The following PHF3 variants were observed in gnomAD, a reference collection of about 807,000 sequenced individuals.
PHF3 encodes PHD finger protein 3.
Under a neutral mutation model 178.4 loss-of-function variants are expected in PHF3, and 41 were observed. The ratio of observed to expected loss-of-function variants is 0.23; its 90% CI spans 0.18 to 0.30. The LOEUF (loss-of-function observed/expected upper bound fraction) is 0.30. Among genes scored for constraint, PHF3 ranks in the 10% least tolerant of loss-of-function variants. The pLI, the probability that PHF3 is intolerant of heterozygous loss-of-function variation, is 1.00. For missense variants in PHF3, 2,346 were observed against 2,398.1 expected (o/e 0.98, Z 0.45); for synonymous variants, 842 against 800.5 (o/e 1.05, Z -0.88).
At chr6:63,690,867 A>G (rs1161761050) in intron 4 of PHF3, among the ~76,000 whole-genome samples, 1 of 152,124 alleles carries the variant, frequency 6.6e-6, no homozygotes, top group African/African-American at 2.4e-5. Context: ...TTAAACTGGA[A>G]AGATAGAAGC....
chr6:63,715,759 A>T lies in PHF3; in HGVS notation c.*2051A>T, dbSNP rs1001457519. Among the ~76,000 whole-genome samples the T allele has an allele frequency of 5.9e-5, 9 of 152,052 alleles. No homozygotes were observed. Among genetic ancestry groups the T allele is most frequent in the African/African-American group, 2.2e-4 (9 of 41,404 alleles). The stretch of plus-strand genomic sequence containing the variant: ...GCTGATTGACTGAAACATTTTATGG[A>T]GAATAGGGAAGGTATGGTCATATTA... On this transcript the variant is annotated 3_prime_UTR_variant, in exon 16 of 16. Coordinates refer to ENST00000262043, the MANE Select transcript of PHF3 (RefSeq NM_001370348.2).
chr6:63,678,102 A>G (rs867340095), intron 2 of PHF3, among the ~76,000 whole-genome samples: 95 of 152,176 alleles, frequency 6.2e-4, no homozygotes, highest in African/African-American at 2.3e-3. Context: ...ACACACCTGT[A>G]TTCCCAGCTA....
At chr6:63,638,689 T>G (rs775985346) in intron 1 of PHF3, among the ~76,000 whole-genome samples, 2 of 152,130 alleles carry the variant, frequency 1.3e-5, no homozygotes, top group Non-Finnish European at 2.9e-5. Context: ...GCTGCTGGAT[T>G]TTTTTCTTTT....
intron 1 of PHF3, among the ~76,000 whole-genome samples, chr6:63,646,077 A>G (rs1764771396): frequency 6.6e-6 from 1 of 152,168 alleles, no homozygotes; most frequent in Non-Finnish European, 1.5e-5. Context: ...TGGTTTTAAT[A>G]GGTATGGGAT....
At chr6:63,698,116 A>T in intron 6 of PHF3, 107 bp from the exon 7 acceptor site, 1 of 868,766 alleles carries the variant, frequency 1.2e-6, no homozygotes, top group East Asian at 2.7e-5. Context: ...TTCTGATCTT[A>T]TTTCTAAATA....
At position 63,706,052 on chromosome 6, in the gene PHF3, G is replaced by C. The variant is rs755107684; in HGVS notation, c.3391G>C (p.Asp1131His). 1 of 1,613,088 alleles carries C rather than the reference G, an allele frequency of 6.2e-7. No individual in the cohort carries two copies. Among genetic ancestry groups the C allele is most frequent in the Non-Finnish European group, 8.5e-7 (1 of 1,179,756 alleles). Residue 1131 changes from aspartate (D) to histidine (H), a missense_variant, in exon 12 of 16, where the codon GAT becomes CAT. Asp to His is a moderately conservative substitution (Grantham distance 81). Coordinates refer to ENST00000262043, the MANE Select transcript of PHF3 (RefSeq NM_001370348.2). ...AGGTCGAATGGCACCACCTGTAGATGATCTTTCTCCAAAAAAAGTAAAAGT... is the reference window on the plus strand; with the variant it reads ...AGGTCGAATGGCACCACCTGTAGATCATCTTTCTCCAAAAAAAGTAAAAGT... ...CIGRMAPPVD[D>H]LSPKKVKVVV...
intron 14 of PHF3, among the ~76,000 whole-genome samples, chr6:63,709,918 C>T (rs1484520296): frequency 1.3e-5 from 2 of 152,076 alleles, no homozygotes; most frequent in Non-Finnish European, 2.9e-5. Flanking sequence ...TCTACATTTT[C>T]TTTTCTTTTT....
chr6:63,704,557 C>T (rs563056033), intron 11 of PHF3, among the ~76,000 whole-genome samples: 1 of 151,634 alleles, frequency 6.6e-6, no homozygotes, highest in South Asian at 2.1e-4. Flanking sequence ...TAAGCTTCCC[C>T]TATGTCTTTT....
At chr6:63,644,108 A>C (rs1201193623) in intron 1 of PHF3, among the ~76,000 whole-genome samples, 4 of 152,206 alleles carry the variant, frequency 2.6e-5, no homozygotes, top group Non-Finnish European at 5.9e-5. Context: ...TTGCTATGGT[A>C]ACAAGTGCAT....
At chr6:63,689,913 A>G (rs1310431317) in intron 4 of PHF3, among the ~76,000 whole-genome samples, 1 of 152,202 alleles carries the variant, frequency 6.6e-6, no homozygotes, top group Non-Finnish European at 1.5e-5. Context: ...TTGATTGTGG[A>G]AGTAAAGGGA....
intron 2 of PHF3, among the ~76,000 whole-genome samples, chr6:63,667,862 C>T (rs1328796855): frequency 2.0e-5 from 3 of 152,178 alleles, no homozygotes; most frequent in Admixed American, 1.3e-4. Flanking sequence ...CGGAAAACTT[C>T]ATAGGTGAAG....
Position 63,717,694 on chromosome 6 carries a change from T to A in PHF3, c.*3986T>A, listed in dbSNP as rs1406447834. On this transcript the variant is annotated 3_prime_UTR_variant, in exon 16 of 16. Coordinates refer to ENST00000262043, the MANE Select transcript of PHF3 (RefSeq NM_001370348.2). Reference sequence around the variant, plus strand: ...CAAAGGGCAGTGAATCCAATATAACTCTAAATATCCCCAAAATACTTTTTC... The same window carrying A: ...CAAAGGGCAGTGAATCCAATATAACACTAAATATCCCCAAAATACTTTTTC... 6.6e-6 allele frequency among the ~76,000 whole-genome samples: 1 copy of A among 151,986 alleles called. No homozygotes were observed. Among genetic ancestry groups the A allele is most frequent in the South Asian group, 2.1e-4 (1 of 4,832 alleles).
intron 3 of PHF3, among the ~76,000 whole-genome samples, chr6:63,682,507 A>G (rs114408792): frequency 0.012 from 1,819 of 152,194 alleles, 30 homozygotes; most frequent in African/African-American, 0.042. Flanking sequence ...TCCCGCTGTT[A>G]TAGCTTCAGT....
At chr6:63,688,408 T>C (rs2149588467) in intron 4 of PHF3, among the ~76,000 whole-genome samples, 1 of 137,708 alleles carries the variant, frequency 7.3e-6, no homozygotes, top group East Asian at 2.1e-4. Context: ...TGATCTTGGC[T>C]GACTGAAACC....
At chr6:63,659,310 C>G (rs1582023203) in intron 2 of PHF3, among the ~76,000 whole-genome samples, 1 of 152,066 alleles carries the variant, frequency 6.6e-6, no homozygotes, top group African/African-American at 2.4e-5. Context: ...GTCCCAAAAA[C>G]TCAGAAGATG....
intron 2 of PHF3, among the ~76,000 whole-genome samples, chr6:63,672,009 A>C (rs1765940013): frequency 6.6e-6 from 1 of 152,008 alleles, no homozygotes; most frequent in African/African-American, 2.4e-5. Context: ...CGCCCAGCTA[A>C]TTTTTGTGTT....
rs1473289223 is a variant in PHF3, at chr6:63,660,945, TGAG to T, written c.244+14154_244+14156del. On this transcript the variant is annotated intron_variant, in intron 2 of 15. Transcript: ENST00000262043. ...ATATCTGTGTTGTCCCTGTGGAACT[TGAG>T]GAGACAGGGTTATCTTGTCATCATG... 4.6e-5 allele frequency among the ~76,000 whole-genome samples: 7 copies of T among 152,288 alleles called. No individual in the cohort carries two copies. The East Asian group carries it at 5.8e-4, about 13-fold the overall frequency.
chr6:63,702,752 A>G, intron 10 of PHF3, 113 bp downstream of exon 10: 1 of 1,031,380 alleles, frequency 9.7e-7, no homozygotes, highest in Non-Finnish European at 1.4e-6. Context: ...CATCCATTTA[A>G]AAGTAGCCTA....
intron 2 of PHF3, among the ~76,000 whole-genome samples, chr6:63,674,241 T>A (rs1225869488): frequency 7.2e-6 from 1 of 138,490 alleles, no homozygotes; most frequent in East Asian, 2.3e-4. Context: ...ATATTTTATA[T>A]TTTTGGAGAG....
Sources: allele counts gnomAD v4.1 joint callset (sites outside exome capture counted in the v4.1 genomes callset), GRCh38; gene constraint gnomAD v4.1.1; transcripts MANE v1.5; gene names NCBI Gene and HGNC (gene_info 2026-07-23, HGNC 2026-07-21).